SMIM28: variants seen among roughly 807,000 people sequenced by gnomAD.
SMIM28 encodes the protein small integral membrane protein 28.
chr6:138,379,268 C>T (rs1774288813), intron 1 of SMIM28, among the ~76,000 whole-genome samples: 1 of 152,164 alleles, frequency 6.6e-6, no homozygotes, highest in Non-Finnish European at 1.5e-5. Context: ...TCTTCTAATG[C>T]CACTTGCTAT....
At position 138,382,607 on chromosome 6, in the gene SMIM28, CCG is replaced by C; in HGVS notation, c.221_222del (p.Arg74ProfsTer15). The C allele has an allele frequency of 2.5e-6, 1 of 399,028 alleles. No homozygotes were observed. The highest frequency in any genetic ancestry group is 4.4e-6 in the Non-Finnish European group (1 of 226,518). The allele number at this position is 399,028 out of a possible 1,614,324, so 24.7% of individuals were successfully genotyped here. On this transcript the variant is annotated frameshift_variant, in exon 2 of 2. Coordinates refer to ENST00000573100, the MANE Select transcript of SMIM28 (RefSeq NM_001368163.3). LOFTEE classifies it low-confidence loss of function (END_TRUNC). Reference protein sequence around the residue: ...FLAFLLLFLYRRCKSPPPQGQ... With the variant: ...FLAFLLLFLYXRCKSPPPQGQ... ...TGGCATTTCTGCTGCTGTTCCTGTA[CCG>C]CCGCTGCAAGTCCCCACCGCCCCAG...
intron 1 of SMIM28, 72 bp downstream of exon 1, chr6:138,378,255 G>A (rs78227984): frequency 2.5e-6 from 1 of 397,542 alleles, no homozygotes; most frequent in Non-Finnish European, 4.4e-6. Flanking sequence ...TAATATCTAT[G>A]GTTTTAGGAT....
intron 1 of SMIM28, among the ~76,000 whole-genome samples, chr6:138,380,102 C>T (rs973654154): frequency 6.6e-6 from 1 of 152,112 alleles, no homozygotes; most frequent in Non-Finnish European, 1.5e-5. Flanking sequence ...GTACTATCAC[C>T]AAGTGCTTTA....
intron 1 of SMIM28, among the ~76,000 whole-genome samples, chr6:138,381,395 T>C (rs1002816557): frequency 6.6e-6 from 1 of 152,236 alleles, no homozygotes; most frequent in Non-Finnish European, 1.5e-5. Context: ...TTAAAGGCAG[T>C]CTCTGTGCAA....
rs183534592 is a variant in SMIM28 at position 138,382,155 on chromosome 6, G to A, written c.112-345G>A. Reference sequence around the variant, plus strand: ...CTCACGCCTGTAATCCCAGCACTTTGGGAGGCCAAGGGAGGTGAATCACTT... The same window carrying A: ...CTCACGCCTGTAATCCCAGCACTTTAGGAGGCCAAGGGAGGTGAATCACTT... On this transcript the variant is annotated intron_variant, in intron 1 of 1. Coordinates refer to ENST00000573100, the MANE Select transcript of SMIM28 (RefSeq NM_001368163.3). Among the ~76,000 whole-genome samples, 292 of 152,248 alleles carry A rather than the reference G, an allele frequency of 1.9e-3. 1 individual carries two copies. Among genetic ancestry groups the A allele is most frequent in the African/African-American group, 6.8e-3 (282 of 41,548 alleles).
rs941255466 is a variant in SMIM28 at position 138,378,029 on chromosome 6, G to A, written c.-44G>A. 2.5e-6 allele frequency: 1 copy of A among 398,664 alleles called. No individual in the cohort carries two copies. The allele number at this position is 398,664 out of a possible 1,614,324, so 24.7% of individuals were successfully genotyped here. ...AGCAAGCAGCATTGTTGAAATCTGGGCAGCAAGGTGGAAGGGTGGCCAGGG... is the reference window on the plus strand; with the variant it reads ...AGCAAGCAGCATTGTTGAAATCTGGACAGCAAGGTGGAAGGGTGGCCAGGG... On this transcript the variant is annotated 5_prime_UTR_variant, in exon 1 of 2. Coordinates refer to ENST00000573100, the MANE Select transcript of SMIM28 (RefSeq NM_001368163.3).
Position 138,378,039 on chromosome 6 carries a change from G to A in SMIM28, c.-34G>A, listed in dbSNP as rs1410795855. On this transcript the variant is annotated 5_prime_UTR_variant, in exon 1 of 2. Coordinates refer to ENST00000573100, the MANE Select transcript of SMIM28 (RefSeq NM_001368163.3). ...ATTGTTGAAATCTGGGCAGCAAGGT[G>A]GAAGGGTGGCCAGGGCATCAGCTGG... The A allele has an allele frequency of 2.3e-5, 9 of 398,824 alleles. No individual in the cohort carries two copies. The highest frequency in any genetic ancestry group is 2.1e-4 in the East Asian group (6 of 28,084). 24.7% of individuals were successfully genotyped at this position (398,824 alleles called of 1,614,324 possible).
Position 138,383,358 on chromosome 6 carries a change from A to G in SMIM28, c.*511A>G, listed in dbSNP as rs1774341083. ...GATATAGAGAGTTCTAGCAGGAGTA[A>G]AAGACATCTCTAGAACTGCAGGGGA... On this transcript the variant is annotated 3_prime_UTR_variant, in exon 2 of 2. Transcript: ENST00000573100. Among the ~76,000 whole-genome samples the G allele has an allele frequency of 6.6e-6, 1 of 152,244 alleles. No homozygotes were observed. The highest frequency in any genetic ancestry group is 6.5e-5 in the Admixed American group (1 of 15,286).
intron 1 of SMIM28, among the ~76,000 whole-genome samples, chr6:138,378,585 T>G (rs539373971): frequency 4.4e-4 from 67 of 152,306 alleles, no homozygotes; most frequent in Non-Finnish European, 7.6e-4. Flanking sequence ...CCACTGTTTT[T>G]AAGTGTTAGC....
chr6:138,380,586 T>C (rs1774299708), intron 1 of SMIM28, among the ~76,000 whole-genome samples: 1 of 151,868 alleles, frequency 6.6e-6, no homozygotes, highest in African/African-American at 2.4e-5. Context: ...GCTAACACGG[T>C]GAAACCCCGT....
In SMIM28 at chr6:138,378,136, T is replaced by C. The variant is rs976858145; in HGVS notation, c.64T>C (p.Trp22Arg). ...ACATGCTGGCCGGGGGACATATGAG[T>C]GGTTAACCAGCGAGCCCGGCCTGCC... ...FGHAGRGTYE[W>R]LTSEPGLPLL... The change falls in exon 1 of 2, where the codon TGG becomes CGG. Residue 22 changes from tryptophan (W) to arginine (R), a missense_variant. Physicochemically the swap from Trp to Arg is moderately radical, Grantham distance 101. Coordinates refer to ENST00000573100, the MANE Select transcript of SMIM28 (RefSeq NM_001368163.3). 2 of 398,430 alleles carry C rather than the reference T, an allele frequency of 5.0e-6. No homozygotes were observed. Among genetic ancestry groups the C allele is most frequent in the African/African-American group, 4.1e-5 (2 of 48,576 alleles). The allele number at this position is 398,430 out of a possible 1,614,324, so 24.7% of individuals were successfully genotyped here.
intron 1 of SMIM28, among the ~76,000 whole-genome samples, chr6:138,380,901 T>TTG (rs943177948): frequency 1.3e-5 from 2 of 151,818 alleles, no homozygotes; most frequent in East Asian, 2.0e-4. Context: ...AGGGTTTTTT[T>TTG]TGTGTGTGTT....
chr6:138,378,154 G>A lies in SMIM28; in HGVS notation c.82G>A (p.Gly28Ser), dbSNP rs957087542. 2.3e-5 allele frequency: 9 copies of A among 398,514 alleles called. No homozygotes were observed. The South Asian group carries it at 3.8e-4, about 17-fold the overall frequency. The allele number at this position is 398,514 out of a possible 1,614,324, so 24.7% of individuals were successfully genotyped here. ...GTYEWLTSEP[G>S]LPLLETQLQG... ...ATATGAGTGGTTAACCAGCGAGCCC[G>A]GCCTGCCTCTCCTGGAGACCCAGCT... The change falls in exon 1 of 2, where the codon GGC becomes AGC. Residue 28 changes from glycine to serine, a missense_variant. Gly to Ser is a moderately conservative substitution (Grantham distance 56, BLOSUM62 0). Transcript: ENST00000573100.
chr6:138,380,559 A>C (rs1291084480), intron 1 of SMIM28, among the ~76,000 whole-genome samples: 1 of 152,050 alleles, frequency 6.6e-6, no homozygotes, highest in Non-Finnish European at 1.5e-5. Context: ...TGAGGTCAGG[A>C]GATCGAGACC....
chr6:138,382,258 G>A (rs897748018), intron 1 of SMIM28, among the ~76,000 whole-genome samples: 5 of 151,948 alleles, frequency 3.3e-5, no homozygotes, highest in Admixed American at 2.6e-4. Context: ...TTAGCCGGGC[G>A]TGGTGGCGCA....
chr6:138,382,960 G>A lies in SMIM28; in HGVS notation c.*113G>A. Reference sequence around the variant, plus strand: ...ATGAGAAGAGGGAGAAGGGCCCCTAGACCCAAGAAGCTGCTATTCATTGGC... The same window carrying A: ...ATGAGAAGAGGGAGAAGGGCCCCTAAACCCAAGAAGCTGCTATTCATTGGC... On this transcript the variant is annotated 3_prime_UTR_variant, in exon 2 of 2. Transcript: ENST00000573100. The A allele has an allele frequency of 2.5e-6, 1 of 397,042 alleles. No individual in the cohort carries two copies. Among genetic ancestry groups the A allele is most frequent in the Non-Finnish European group, 4.4e-6 (1 of 225,668 alleles). 24.6% of individuals were successfully genotyped at this position (397,042 alleles called of 1,614,324 possible). A position where few individuals can be genotyped will look rare whatever the true frequency, so the allele number is the denominator to read the frequency against.
chr6:138,378,894 T>C (rs1037138049), intron 1 of SMIM28, among the ~76,000 whole-genome samples: 1 of 152,126 alleles, frequency 6.6e-6, no homozygotes, highest in African/African-American at 2.4e-5. Flanking sequence ...AACCACATTT[T>C]ACAGAAAAAA....
chr6:138,382,721 G>A lies in SMIM28; in HGVS notation c.333G>A (p.Glu111=). The stretch of plus-strand genomic sequence containing the variant: ...TGCCCGGCCTGGCCTGGAGCAGTGA[G>A]GACTTCCCCTACTCCCCACTGCCCC... The part of the protein sequence containing the change: ...DLLPGLAWSS[E]DFPYSPLPPE... The change falls in exon 2 of 2, where the codon GAG becomes GAA. Residue 111 remains glutamate (E), a synonymous_variant. Transcript: ENST00000573100. The A allele has an allele frequency of 2.5e-6, 1 of 398,692 alleles. No individual in the cohort carries two copies. The highest frequency in any genetic ancestry group is 4.4e-6 in the Non-Finnish European group (1 of 226,186). The allele number at this position is 398,692 out of a possible 1,614,324, so 24.7% of individuals were successfully genotyped here.
intron 1 of SMIM28, 103 bp from the exon 2 acceptor site, chr6:138,382,396 CA>C (rs59155652): frequency 0.12 from 17,848 of 145,314 alleles, no homozygotes; most frequent in Middle Eastern, 0.16. Context: ...GACTGTGTCT[CA>C]AAAAAAAAAA....
Sources: gnomAD v4.1 joint callset for allele counts (sites outside exome capture counted in the v4.1 genomes callset) on GRCh38, gnomAD v4.1.1 for gene constraint, MANE v1.5 for transcripts, NCBI Gene and HGNC (gene_info 2026-07-23, HGNC 2026-07-21) for gene names.